PBX4: variants seen among roughly 807,000 people sequenced by gnomAD.
PBX4 encodes pre-B-cell leukemia transcription factor 4.
A neutral mutation model predicts 35.1 loss-of-function variants in PBX4; 26 were observed. That is an observed-to-expected ratio of 0.74 (90% CI 0.54 to 1.03). The LOEUF is 1.03. PBX4 is among the 50% of genes least tolerant of loss of function. The probability of loss-of-function intolerance (pLI) is 0.00; values close to 1 mark genes in which losing one functional copy is unlikely to be tolerated. For missense variants in PBX4, 448 were observed against 504.3 expected, an observed-to-expected ratio of 0.89 and a Z score of 1.07; for synonymous variants, 199 against 204.2, an observed-to-expected ratio of 0.97 and a Z score of 0.22.
chr19:19,586,636 A>G (rs1047225356), intron 2 of PBX4, among the ~76,000 whole-genome samples: 2 of 152,032 alleles, frequency 1.3e-5, no homozygotes, highest in African/African-American at 2.4e-5. Context: ...CAAACATTTA[A>G]GAGCCACAGC....
chr19:19,615,083 T>G (rs2061681474), intron 1 of PBX4, among the ~76,000 whole-genome samples: 1 of 145,220 alleles, frequency 6.9e-6, no homozygotes, highest in Non-Finnish European at 1.5e-5. Flanking sequence ...GAGAATTGCT[T>G]GAGCCTGGGA....
chr19:19,571,658 T>C (rs959371126), intron 2 of PBX4, among the ~76,000 whole-genome samples: 3 of 152,114 alleles, frequency 2.0e-5, no homozygotes, highest in Admixed American at 1.3e-4. Flanking sequence ...GATTCTGCCA[T>C]GGGCAGCACA....
Position 19,564,997 on chromosome 19 carries a change from A to G in PBX4, c.861T>C (p.Ala287=). 2 of 1,614,242 alleles carry G rather than the reference A, an allele frequency of 1.2e-6. No individual in the cohort carries two copies. The highest frequency in any genetic ancestry group is 1.7e-6 in the Non-Finnish European group (2 of 1,180,042). Residue 287 remains alanine, a synonymous_variant, in exon 6 of 8, where the codon GCT becomes GCC. Coordinates refer to ENST00000251203, the MANE Select transcript of PBX4 (RefSeq NM_025245.3). ...EEATIYTGKT[A]VDTTEVGVPG... ...GGACCCCAACTTCCGTGGTATCCACAGCCGTTTTACCCGTGTAAATGGTAG... is the reference window on the plus strand; with the variant it reads ...GGACCCCAACTTCCGTGGTATCCACGGCCGTTTTACCCGTGTAAATGGTAG...
chr19:19,613,371 G>A (rs1167465299), intron 1 of PBX4, among the ~76,000 whole-genome samples: 1 of 150,710 alleles, frequency 6.6e-6, no homozygotes, highest in Non-Finnish European at 1.5e-5. Context: ...GGGAGGCTGA[G>A]GCAGGAGAAT....
At chr19:19,594,177 G>A (rs1048912217) in intron 2 of PBX4, among the ~76,000 whole-genome samples, 3 of 151,730 alleles carry the variant, frequency 2.0e-5, no homozygotes, top group African/African-American at 2.4e-5. Flanking sequence ...AGGCCGAGGC[G>A]GGCGGATCAC....
chr19:19,573,330 TACACAC>T lies in PBX4; in HGVS notation c.194-2503_194-2498del, dbSNP rs397838081. Reference sequence around the variant, plus strand: ...CCAAAAAAAAGAAAAAAAAAAAATATACACACACACACACACACACACACACACACA... The same window carrying T: ...CCAAAAAAAAGAAAAAAAAAAAATATACACACACACACACACACACACACA... On this transcript the variant is annotated intron_variant, in intron 2 of 7. Coordinates refer to ENST00000251203, the MANE Select transcript of PBX4 (RefSeq NM_025245.3). 9.7e-3 allele frequency among the ~76,000 whole-genome samples: 1,293 copies of T among 133,348 alleles called. 8 individuals are homozygous for T. The highest frequency in any genetic ancestry group is 0.034 in the Middle Eastern group (9 of 264). 87.5% of individuals were successfully genotyped at this position (133,348 alleles called of 152,430 possible). A position where few individuals can be genotyped will look rare whatever the true frequency, so the allele number is the denominator to read the frequency against.
At chr19:19,575,456 C>A (rs1449180928) in intron 2 of PBX4, among the ~76,000 whole-genome samples, 1 of 151,852 alleles carries the variant, frequency 6.6e-6, no homozygotes, top group Non-Finnish European at 1.5e-5. Flanking sequence ...CTCGTAATAA[C>A]CCTCCCCTCT....
At position 19,612,021 on chromosome 19, in the gene PBX4, C is replaced by A. The variant is rs569176187; in HGVS notation, c.119+6490G>T. Among the ~76,000 whole-genome samples the A allele has an allele frequency of 3.9e-5, 6 of 152,172 alleles. No individual in the cohort carries two copies. In the South Asian group the frequency reaches 1.0e-3, roughly 26 times the overall value. On this transcript the variant is annotated intron_variant, in intron 1 of 7. Coordinates refer to ENST00000251203, the MANE Select transcript of PBX4 (RefSeq NM_025245.3). ...CAGTGGCTCATGCCTGTAATCCCTG[C>A]ACTTTGGGAGGCTGAGGCAGGCAGA...
At position 19,583,582 on chromosome 19, in the gene PBX4, G is replaced by A. The variant is rs372932577; in HGVS notation, c.194-12749C>T. ...GAGCTGACTGCGCCACTGCACTCCA[G>A]CCAGTTCGACAAAGTAAGACCCCCT... On this transcript the variant is annotated intron_variant, in intron 2 of 7. Transcript: ENST00000251203. Among the ~76,000 whole-genome samples, 21 of 152,138 alleles carry A rather than the reference G, an allele frequency of 1.4e-4. No homozygotes were observed. The East Asian group carries it at 3.5e-3, about 25-fold the overall frequency.
chr19:19,573,289 G>A (rs2061397274), intron 2 of PBX4, among the ~76,000 whole-genome samples: 1 of 145,326 alleles, frequency 6.9e-6, no homozygotes, highest in African/African-American at 2.6e-5. Context: ...TGGGCAACAA[G>A]AGCGAAACTC....
chr19:19,595,053 T>C (rs1405439765), intron 2 of PBX4, among the ~76,000 whole-genome samples: 2 of 152,184 alleles, frequency 1.3e-5, no homozygotes, highest in East Asian at 3.9e-4. Context: ...TAGTTTTTTA[T>C]TATTACTAAA....
intron 2 of PBX4, chr19:19,579,945 C>T (rs1360997080): frequency 1.3e-5 from 2 of 152,390 alleles, no homozygotes; most frequent in Non-Finnish European, 2.9e-5. Flanking sequence ...CCCCATCTCC[C>T]CCCACCATCC....
intron 2 of PBX4, chr19:19,588,414 C>G: frequency 3.0e-6 from 4 of 1,314,748 alleles, no homozygotes; most frequent in Non-Finnish European, 4.4e-6. Flanking sequence ...GATGTTTAGC[C>G]ATAGTTCCCA....
At position 19,569,435 on chromosome 19, in the gene PBX4, G is replaced by A; in HGVS notation, c.768+14C>T. On this transcript the variant is annotated intron_variant, in intron 5 of 7. Transcript: ENST00000251203. ...CTCCCAGGCGTGGCGAGACGTGGCA[G>A]GAGAGAACGTCACCTGGGAGATGGT... The A allele has an allele frequency of 6.2e-7, 1 of 1,606,916 alleles. No homozygotes were observed. The highest frequency in any genetic ancestry group is 1.3e-5 in the African/African-American group (1 of 74,560).
At chr19:19,569,825 G>A (rs1466612871) in intron 4 of PBX4, among the ~76,000 whole-genome samples, 1 of 152,294 alleles carries the variant, frequency 6.6e-6, no homozygotes, top group Non-Finnish European at 1.5e-5. Context: ...CAGTAGAATC[G>A]CTTGAACCTG....
intron 5 of PBX4, among the ~76,000 whole-genome samples, chr19:19,565,449 G>A (rs747166272): frequency 6.6e-6 from 1 of 152,194 alleles, no homozygotes; most frequent in Non-Finnish European, 1.5e-5. Context: ...GTTACGTTCC[G>A]TGTTCTCTTC....
intron 2 of PBX4, among the ~76,000 whole-genome samples, chr19:19,571,992 C>T (rs1326953721): frequency 7.0e-6 from 1 of 142,796 alleles, no homozygotes; most frequent in Admixed American, 7.1e-5. Context: ...GAGATCTTGC[C>T]ACTGCACTCC....
At position 19,563,155 on chromosome 19, in the gene PBX4, C is replaced by T. The variant is rs946190933; in HGVS notation, c.1032+354G>A. Among the ~76,000 whole-genome samples the T allele has an allele frequency of 2.0e-5, 3 of 152,170 alleles. No homozygotes were observed. Among genetic ancestry groups the T allele is most frequent in the African/African-American group, 7.2e-5 (3 of 41,440 alleles). ...CCGAGGGAAGGCCCCATCTCTCCTC[C>T]GGCCTCCTCTGCTGGCTGCCTGCCC... On this transcript the variant is annotated intron_variant, in intron 7 of 7. Transcript: ENST00000251203. This position sits in a 1 kb window ranked among gnomAD's most constrained non-coding sequence, Gnocchi z 5.1.
At chr19:19,587,069 A>G (rs2061494128) in intron 2 of PBX4, among the ~76,000 whole-genome samples, 1 of 151,984 alleles carries the variant, frequency 6.6e-6, no homozygotes, top group Non-Finnish European at 1.5e-5. Flanking sequence ...CAGTGGCACA[A>G]TCTTGGCTCA....
Sources: gnomAD v4.1 joint callset for allele counts (sites outside exome capture counted in the v4.1 genomes callset) on GRCh38, gnomAD v4.1.1 for gene constraint, Gnocchi (gnomAD v3.1) non-coding constraint, MANE v1.5 for transcripts, NCBI Gene and HGNC (gene_info 2026-07-23, HGNC 2026-07-21) for gene names.